ANXA7: variants seen among roughly 807,000 people sequenced by gnomAD.
ANXA7 encodes annexin A7.
A neutral mutation model predicts 64.9 loss-of-function variants in ANXA7; 55 were observed. The observed-to-expected ratio is 0.85, with a 90% CI of 0.68 to 1.06. The LOEUF (loss-of-function observed/expected upper bound fraction) is 1.06, where lower values mean the gene tolerates loss of function less well. ANXA7 is among the 50% of genes least tolerant of loss of function. The pLI is 0.00. For missense variants in ANXA7, 548 were observed against 582.1 expected (o/e 0.94, Z 0.60); for synonymous variants, 200 against 192.4 (o/e 1.04, Z -0.33).
chr10:73,377,826 CGT>C (rs58404250), intron 12 of ANXA7, among the ~76,000 whole-genome samples: 7,932 of 122,308 alleles, frequency 0.065, 629 homozygotes, highest in African/African-American at 0.2. Context: ...TAGGTTTCAC[CGT>C]GTGTGTGTGT....
intron 7 of ANXA7, among the ~76,000 whole-genome samples, chr10:73,387,283 G>C (rs2055389590): frequency 2.0e-5 from 3 of 152,172 alleles, no homozygotes; most frequent in Admixed American, 6.5e-5. Context: ...GGGAGGCTGA[G>C]GCAGGCGGAT....
chr10:73,399,526 T>C (rs1234146673), intron 2 of ANXA7, among the ~76,000 whole-genome samples: 4 of 152,116 alleles, frequency 2.6e-5, no homozygotes, highest in Admixed American at 6.6e-5. Context: ...GTTATGAGTA[T>C]AAAACCAAAA....
At position 73,390,509 on chromosome 10, in the gene ANXA7, G is replaced by C. The variant is rs373928918; in HGVS notation, c.436-2095C>G. Reference sequence around the variant, plus strand: ...AAAATTATTCTACTTGTAGCAAATAGTCGAGTATAAAAAAATTTTATAAGC... The same window carrying C: ...AAAATTATTCTACTTGTAGCAAATACTCGAGTATAAAAAAATTTTATAAGC... On this transcript the variant is annotated intron_variant, in intron 5 of 12. Coordinates refer to ENST00000372921, the MANE Select transcript of ANXA7 (RefSeq NM_001156.5). Among the ~76,000 whole-genome samples the C allele has an allele frequency of 9.4e-4, 143 of 152,048 alleles. 2 individuals carry two copies. In the South Asian group the frequency reaches 0.029, roughly 31 times the overall value.
chr10:73,410,371 C>T (rs1197156612), intron 1 of ANXA7, among the ~76,000 whole-genome samples: 1 of 152,000 alleles, frequency 6.6e-6, no homozygotes, highest in Non-Finnish European at 1.5e-5. Flanking sequence ...AAAAGATACA[C>T]AAATGGCCAA....
intron 9 of ANXA7, among the ~76,000 whole-genome samples, chr10:73,381,248 G>A (rs1025594546): frequency 2.0e-5 from 3 of 152,038 alleles, no homozygotes; most frequent in Admixed American, 6.6e-5. Context: ...ATAAATACAC[G>A]CATAAAAATG....
intron 2 of ANXA7, among the ~76,000 whole-genome samples, chr10:73,398,907 A>G (rs1244731659): frequency 6.6e-6 from 1 of 152,204 alleles, no homozygotes; most frequent in Non-Finnish European, 1.5e-5. Flanking sequence ...AGATTGTTGC[A>G]TGTTCACTGA....
intron 1 of ANXA7, 73 bp from the exon 2 acceptor site, chr10:73,400,930 C>T (rs966757357): frequency 9.8e-6 from 13 of 1,330,952 alleles, no homozygotes; most frequent in South Asian, 8.3e-5. Flanking sequence ...TTTTTTGAGA[C>T]GGAGTCTCAC....
intron 7 of ANXA7, among the ~76,000 whole-genome samples, chr10:73,384,613 C>T (rs1438095297): frequency 6.6e-6 from 1 of 152,026 alleles, no homozygotes; most frequent in East Asian, 1.9e-4. Context: ...GTTGGCCAGG[C>T]TGGTCTTGAA....
chr10:73,398,978 A>G (rs1358957055), intron 2 of ANXA7, among the ~76,000 whole-genome samples: 1 of 152,188 alleles, frequency 6.6e-6, no homozygotes, highest in Non-Finnish European at 1.5e-5. Flanking sequence ...CCTTGCAGTT[A>G]GGTCGAACCA....
chr10:73,385,700 A>T (rs1453611072), intron 7 of ANXA7, among the ~76,000 whole-genome samples: 1 of 152,152 alleles, frequency 6.6e-6, no homozygotes, highest in East Asian at 1.9e-4. Flanking sequence ...CTAGATAAAA[A>T]ATTCATAACA....
At chr10:73,376,355 G>A in intron 12 of ANXA7, 138 bp from the exon 13 acceptor site, 1 of 784,500 alleles carries the variant, frequency 1.3e-6, no homozygotes, top group Non-Finnish European at 1.9e-6. Flanking sequence ...TTTTATGGCT[G>A]GCACTCATAC....
At chr10:73,390,360 T>C (rs1467290017) in intron 5 of ANXA7, among the ~76,000 whole-genome samples, 4 of 152,310 alleles carry the variant, frequency 2.6e-5, no homozygotes, top group Admixed American at 2.0e-4. Context: ...CCCACTCATA[T>C]ATATTTTTAC....
intron 1 of ANXA7, among the ~76,000 whole-genome samples, chr10:73,411,143 C>A (rs2055831794): frequency 6.6e-6 from 1 of 152,102 alleles, no homozygotes; most frequent in South Asian, 2.1e-4. Context: ...TCTTTTGCAG[C>A]AACTTGGATG....
Position 73,398,200 on chromosome 10 carries a change from TC to T in ANXA7, c.239del (p.Gly80GlufsTer70). On this transcript the variant is annotated frameshift_variant, in exon 3 of 13. Coordinates refer to ENST00000372921, the MANE Select transcript of ANXA7 (RefSeq NM_001156.5). LOFTEE classifies it high-confidence loss of function. ...ACTCACCTCCGGGATAGGATGGAGC[TC>T]CCCCTGGCTGTGGGGCACCAGGATA... ...GGYPGAPQPG[G>X]APSYPGVPPG... The T allele has an allele frequency of 6.2e-7, 1 of 1,612,194 alleles. No individual in the cohort carries two copies. Among genetic ancestry groups the T allele is most frequent in the Non-Finnish European group, 8.5e-7 (1 of 1,178,842 alleles).
intron 9 of ANXA7, 125 bp downstream of exon 9, chr10:73,383,050 T>C (rs1564522439): frequency 1.3e-6 from 1 of 775,162 alleles, no homozygotes; most frequent in Non-Finnish European, 2.0e-6. Context: ...TTCTGTGTTG[T>C]CCCTCTTAAA....
chr10:73,383,357 G>A lies in ANXA7; in HGVS notation c.748-12C>T. 1.9e-6 allele frequency: 3 copies of A among 1,597,338 alleles called. No individual in the cohort carries two copies. The highest frequency in any genetic ancestry group is 2.6e-6 in the Non-Finnish European group (3 of 1,171,504). On this transcript the variant is annotated splice_polypyrimidine_tract_variant and intron_variant, in intron 8 of 12. Coordinates refer to ENST00000372921, the MANE Select transcript of ANXA7 (RefSeq NM_001156.5). ...TGAGTTCCTGCTCCCTACATGAAAT[G>A]AAGGGAAGATTATACAAAGAAAAAT...
intron 1 of ANXA7, among the ~76,000 whole-genome samples, chr10:73,405,661 G>A (rs2055745380): frequency 6.6e-6 from 1 of 152,182 alleles, no homozygotes; most frequent in Non-Finnish European, 1.5e-5. Context: ...TACAAGTGGA[G>A]AGTGAATGAT....
chr10:73,385,725 G>A (rs573722281), intron 7 of ANXA7, among the ~76,000 whole-genome samples: 3 of 152,208 alleles, frequency 2.0e-5, no homozygotes, highest in South Asian at 2.1e-4. Context: ...AAATATCTTT[G>A]TGAGAATAGT....
intron 1 of ANXA7, among the ~76,000 whole-genome samples, chr10:73,402,309 ACC>A (rs1239755353): frequency 2.0e-5 from 3 of 148,916 alleles, no homozygotes; most frequent in Admixed American, 6.7e-5. Context: ...CCACCTCAAC[ACC>A]CCCCCTCCCC....
Sources: gnomAD v4.1 joint callset for allele counts (sites outside exome capture counted in the v4.1 genomes callset) on GRCh38, gnomAD v4.1.1 for gene constraint, MANE v1.5 for transcripts, NCBI Gene and HGNC (gene_info 2026-07-23, HGNC 2026-07-21) for gene names.